The following CCDC148 variants were observed in gnomAD, a reference collection of about 807,000 sequenced individuals.
CCDC148 encodes coiled-coil domain-containing protein 148.
In CCDC148, 89 loss-of-function variants were observed where a neutral mutation model predicts 85.7. The ratio of observed to expected loss-of-function variants is 1.04; its 90% CI spans 0.87 to 1.24. CCDC148 has a LOEUF of 1.24. Ranked by LOEUF, CCDC148 falls within the 50% of genes most tolerant of loss-of-function variation. The pLI is 0.00. For synonymous variants in CCDC148, 230 were observed against 213.9 expected (o/e 1.08, Z -0.66); for missense variants, 692 against 671.7 (o/e 1.03, Z -0.33).
chr2:158,212,102 C>A (rs1686610178), intron 11 of CCDC148, among the ~76,000 whole-genome samples: 2 of 152,220 alleles, frequency 1.3e-5, no homozygotes, highest in South Asian at 4.1e-4. Context: ...CAAAACATTT[C>A]TAATATACAT....
At chr2:158,453,972 C>G (rs1298296898) in intron 1 of CCDC148, among the ~76,000 whole-genome samples, 3 of 152,186 alleles carry the variant, frequency 2.0e-5, no homozygotes, top group Non-Finnish European at 4.4e-5. Context: ...ATCCTCTTCT[C>G]AAGCCAGTCA....
intron 9 of CCDC148, among the ~76,000 whole-genome samples, chr2:158,253,864 A>C (rs552029128): frequency 6.6e-6 from 1 of 151,638 alleles, no homozygotes; most frequent in East Asian, 1.9e-4. Context: ...ATCACAGAGG[A>C]ACAAGCAGAC....
chr2:158,397,184 A>T (rs116769884), intron 1 of CCDC148, among the ~76,000 whole-genome samples: 1 of 152,186 alleles, frequency 6.6e-6, no homozygotes, highest in African/African-American at 2.4e-5. Flanking sequence ...AAACCAACCC[A>T]GGAGACAGAA....
At chr2:158,267,299 T>C (rs990778972) in intron 9 of CCDC148, among the ~76,000 whole-genome samples, 4 of 152,134 alleles carry the variant, frequency 2.6e-5, no homozygotes, top group African/African-American at 7.2e-5. Context: ...CTTGTTTTAA[T>C]AGGAAAATGT....
At chr2:158,198,784 T>C (rs981979525) in intron 11 of CCDC148, among the ~76,000 whole-genome samples, 1 of 152,238 alleles carries the variant, frequency 6.6e-6, no homozygotes, top group African/African-American at 2.4e-5. Flanking sequence ...AGATTCTGTA[T>C]GTTACCAGCA....
chr2:158,379,123 C>T (rs1684771706), intron 1 of CCDC148, among the ~76,000 whole-genome samples: 1 of 152,138 alleles, frequency 6.6e-6, no homozygotes, highest in African/African-American at 2.4e-5. Context: ...ACTAAGAACA[C>T]TCATGATTTC....
chr2:158,424,040 T>TTTTC (rs1447262110), intron 1 of CCDC148, among the ~76,000 whole-genome samples: 1 of 152,158 alleles, frequency 6.6e-6, no homozygotes, highest in African/African-American at 2.4e-5. Flanking sequence ...CCAGTTAGAA[T>TTTTC]GGTGATCATT....
intron 10 of CCDC148, among the ~76,000 whole-genome samples, chr2:158,226,642 T>A (rs1687545505): frequency 6.6e-6 from 1 of 152,226 alleles, no homozygotes; most frequent in Non-Finnish European, 1.5e-5. Context: ...GATGCAAGGC[T>A]GGTTCAACAT....
chr2:158,365,238 G>C (rs1684143805), intron 1 of CCDC148, among the ~76,000 whole-genome samples: 1 of 152,198 alleles, frequency 6.6e-6, no homozygotes, highest in Non-Finnish European at 1.5e-5. Flanking sequence ...CATTGTGGAA[G>C]AGAGTGTGGT....
chr2:158,228,941 A>C (rs1294642670), intron 10 of CCDC148, among the ~76,000 whole-genome samples: 3 of 150,796 alleles, frequency 2.0e-5, no homozygotes, highest in Non-Finnish European at 2.9e-5. Flanking sequence ...CACATGTACC[A>C]TAAAACTTAA....
chr2:158,395,544 T>C (rs1328015752), intron 1 of CCDC148, among the ~76,000 whole-genome samples: 1 of 152,132 alleles, frequency 6.6e-6, no homozygotes, highest in African/African-American at 2.4e-5. Context: ...AAGGGAATAA[T>C]TTCTGGTAGT....
chr2:158,438,141 A>T (rs919697963), intron 1 of CCDC148, among the ~76,000 whole-genome samples: 2 of 152,122 alleles, frequency 1.3e-5, no homozygotes, highest in Non-Finnish European at 2.9e-5. Flanking sequence ...GTTCATGTGG[A>T]ACCAAAAAAG....
At chr2:158,205,216 T>G (rs142290453) in intron 11 of CCDC148, among the ~76,000 whole-genome samples, 2 of 152,228 alleles carry the variant, frequency 1.3e-5, no homozygotes, top group East Asian at 3.9e-4. Flanking sequence ...AAAAGGTAAA[T>G]TCACAGAATT....
chr2:158,280,796 C>G (rs926722501), intron 9 of CCDC148, among the ~76,000 whole-genome samples: 3 of 152,198 alleles, frequency 2.0e-5, no homozygotes, highest in African/African-American at 7.2e-5. Context: ...ATCTACAGAA[C>G]TCTCCACCCC....
rs143272187 is a variant in CCDC148, at chr2:158,388,656, G to A, written c.26-30086C>T. On this transcript the variant is annotated intron_variant, in intron 1 of 13. Transcript: ENST00000283233. ...ACTACTGGTGCCCGCCACAATGCTCGGATAATTTTTGTATTTTTAGTAGAG... is the reference window on the plus strand; with the variant it reads ...ACTACTGGTGCCCGCCACAATGCTCAGATAATTTTTGTATTTTTAGTAGAG... 9.6e-3 allele frequency among the ~76,000 whole-genome samples: 1,461 copies of A among 151,976 alleles called. 19 individuals carry two copies. The highest frequency in any genetic ancestry group is 0.033 in the African/African-American group (1,349 of 41,458).
intron 2 of CCDC148, among the ~76,000 whole-genome samples, chr2:158,358,222 G>C (rs73968928): frequency 0.18 from 27,026 of 152,102 alleles, 3,943 homozygotes; most frequent in African/African-American, 0.4. Flanking sequence ...ATTCAGACCT[G>C]AAAGAGTTGT....
intron 9 of CCDC148, among the ~76,000 whole-genome samples, chr2:158,291,551 T>C (rs1690896059): frequency 6.6e-6 from 1 of 152,192 alleles, no homozygotes; most frequent in Admixed American, 6.5e-5. Context: ...ACCAATCCTA[T>C]CCTTGAGCAA....
At chr2:158,277,911 G>A (rs1466728985) in intron 9 of CCDC148, among the ~76,000 whole-genome samples, 2 of 152,070 alleles carry the variant, frequency 1.3e-5, no homozygotes, top group African/African-American at 4.8e-5. Context: ...CTGAGGCTTA[G>A]AGGGGTTAGT....
At chr2:158,294,844 C>G (rs954574345) in intron 9 of CCDC148, among the ~76,000 whole-genome samples, 2 of 145,662 alleles carry the variant, frequency 1.4e-5, no homozygotes, top group Non-Finnish European at 3.0e-5. Context: ...CAAAAAAAAA[C>G]CTGCCAAAAT....
Sources: allele counts gnomAD v4.1 joint callset (sites outside exome capture counted in the v4.1 genomes callset), GRCh38; gene constraint gnomAD v4.1.1; transcripts MANE v1.5; gene names NCBI Gene and HGNC (gene_info 2026-07-23, HGNC 2026-07-21).